Variants in ZNF101 observed in about 807,000 individuals in gnomAD.
ZNF101 encodes the protein zinc finger protein 101 (Y2).
A neutral mutation model predicts 42.6 loss-of-function variants in ZNF101; 34 were observed. The observed-to-expected ratio is 0.80, with a 90% CI of 0.61 to 1.06. The LOEUF is 1.06. Among genes scored for constraint, ZNF101 ranks in the 50% least tolerant of loss-of-function variants. ZNF101 has a pLI of 0.00. For synonymous variants in ZNF101, 158 were observed against 183.9 expected (o/e 0.86, Z 1.14); for missense variants, 466 against 530.9 (o/e 0.88, Z 1.20).
In ZNF101 at chr19:19,680,008, G is replaced by A. The variant is rs772791484; in HGVS notation, c.1019G>A (p.Cys340Tyr). The change falls in exon 4 of 4, where the codon TGT (cysteine) becomes TAT (tyrosine). Residue 340 changes from cysteine (C) to tyrosine (Y), a missense_variant. Physicochemically the swap from Cys to Tyr is radical, Grantham distance 194. Transcript: ENST00000592502. ...RAHTGERPYE[C>Y]NKCGKTFNYP... The stretch of plus-strand genomic sequence containing the variant: ...CACACTGGAGAAAGACCTTATGAAT[G>A]TAATAAATGTGGTAAAACCTTCAAT... 1 of 1,614,032 alleles carries A rather than the reference G, an allele frequency of 6.2e-7. No homozygotes were observed. The highest frequency in any genetic ancestry group is 8.5e-7 in the Non-Finnish European group (1 of 1,180,014).
intron 1 of ZNF101, among the ~76,000 whole-genome samples, chr19:19,671,435 A>T (rs773841955): frequency 9.9e-5 from 15 of 151,208 alleles, no homozygotes; most frequent in Non-Finnish European, 1.8e-4. Flanking sequence ...TCATGATCTC[A>T]TGTAATCCCA....
chr19:19,677,991 G>T lies in ZNF101; in HGVS notation c.130+1G>T. On this transcript the variant is annotated splice_donor_variant, in intron 2 of 3. Transcript: ENST00000592502. LOFTEE classifies it high-confidence loss of function. ...ACCTTCAGGAACCTGGCCTCGGTCG[G>T]TAAGAAGGACATTTCCTTCCTTAGT... is the stretch of plus-strand genomic sequence containing the variant. 1 of 1,609,218 alleles carries T rather than the reference G, an allele frequency of 6.2e-7. No homozygotes were observed.
At position 19,677,874 on chromosome 19, in the gene ZNF101, C is replaced by T. The variant is rs764143846; in HGVS notation, c.14C>T (p.Ala5Val). The change falls in exon 2 of 4, where the codon GCC becomes GTC. Residue 5 changes from alanine to valine, a missense_variant. By Grantham distance (64) the Ala-to-Val change is moderately conservative (BLOSUM62 0). Transcript: ENST00000592502. MDSV[A>V]FEDVAVNFTQ... The stretch of plus-strand genomic sequence containing the variant: ...TGTGGGATGTTTCAGGACTCAGTGG[C>T]CTTTGAGGATGTGGCTGTGAACTTC... 1.4e-5 allele frequency: 22 copies of T among 1,611,368 alleles called. No homozygotes were observed. The Admixed American group carries it at 3.7e-4, about 27-fold the overall frequency.
rs1209213037 is a variant in ZNF101, at chr19:19,682,625, G to A, written c.*2325G>A. 6.6e-6 allele frequency: 1 copy of A among 152,124 alleles called. No individual in the cohort carries two copies. The allele number at this position is 152,124 out of a possible 1,614,324, so 9.4% of individuals were successfully genotyped here. On this transcript the variant is annotated 3_prime_UTR_variant, in exon 4 of 4. Coordinates refer to ENST00000592502, the MANE Select transcript of ZNF101 (RefSeq NM_033204.4). ...AGCAGTGGTACCTGAGGTTTAATAG[G>A]AAGTGTTTTTATCCTAAGTTAGTTA...
In ZNF101 at chr19:19,669,099, G is replaced by GGT. The variant is rs374041421; in HGVS notation, c.3+134_3+135dup. 1.0e-3 allele frequency: 1,296 copies of GGT among 1,282,310 alleles called. 21 individuals carry two copies. In the African/African-American group the frequency reaches 0.018, roughly 18 times the overall value. The allele number at this position is 1,282,310 out of a possible 1,614,324, so 79.4% of individuals were successfully genotyped here. On this transcript the variant is annotated intron_variant, in intron 1 of 3. Transcript: ENST00000592502. ...GTCCCCCAGGCGCAGCTCGACCCTT[G>GGT]GTCCCCTCGGTCGCCGGGTGGAGCT...
rs1568439020 is a variant in ZNF101 at position 19,679,503 on chromosome 19, A to C, written c.514A>C (p.Lys172Gln). The C allele has an allele frequency of 6.2e-7, 1 of 1,614,198 alleles. No individual in the cohort carries two copies. Among genetic ancestry groups the C allele is most frequent in the Non-Finnish European group, 8.5e-7 (1 of 1,180,046 alleles). ...TPTRKRPYEC[K>Q]VCGKAFNSPN... ...AACTCGAAAGAGACCTTATGAATGC[A>C]AGGTGTGCGGGAAAGCCTTTAATTC... Residue 172 changes from lysine to glutamine, a missense_variant, in exon 4 of 4, where the codon AAG becomes CAG. By Grantham distance (53) the Lys-to-Gln change is moderately conservative. Transcript: ENST00000592502.
chr19:19,677,647 A>T, intron 1 of ZNF101: 5 of 573,496 alleles, frequency 8.7e-6, no homozygotes, highest in Non-Finnish European at 1.4e-5. Flanking sequence ...CACCACAGAG[A>T]GGGTGGTCCT....
intron 1 of ZNF101, among the ~76,000 whole-genome samples, chr19:19,675,377 A>T (rs1013028450): frequency 2.0e-5 from 3 of 151,462 alleles, no homozygotes; most frequent in African/African-American, 4.9e-5. Context: ...ACTTAAGGGG[A>T]TCCACCCACC....
rs981495072 is a variant in ZNF101, at chr19:19,679,836, C to T, written c.847C>T (p.Gln283Ter). 7 of 1,613,832 alleles carry T rather than the reference C, an allele frequency of 4.3e-6. No homozygotes were observed. The Admixed American group carries it at 8.3e-5, about 19-fold the overall frequency. Residue 283 changes from glutamine to a stop codon, truncating the protein, a stop_gained, in exon 4 of 4, where the codon CAA becomes TAA. Coordinates refer to ENST00000592502, the MANE Select transcript of ZNF101 (RefSeq NM_033204.4). LOFTEE classifies it high-confidence loss of function. The stretch of plus-strand genomic sequence containing the variant: ...ATCTCACGCGCTGGAGAAATCCCAC[C>T]AATGTCAGGAATGTGGGAAAAAACT... ...IRSHALEKSH[Q>*]CQECGKKLSC...
intron 1 of ZNF101, among the ~76,000 whole-genome samples, chr19:19,674,953 T>C (rs1217529703): frequency 6.6e-6 from 1 of 151,692 alleles, no homozygotes; most frequent in Non-Finnish European, 1.5e-5. Context: ...CCCCAGTAGC[T>C]GGGACTACAG....
At chr19:19,668,416 G>A (rs748256115), upstream of ZNF101, among the ~76,000 whole-genome samples, 1 of 152,080 alleles carries the variant, frequency 6.6e-6, no homozygotes, top group Non-Finnish European at 1.5e-5. Flanking sequence ...TCCTGGAACT[G>A]TCTGCCGGTT....
chr19:19,679,041 C>T, intron 3 of ZNF101, 140 bp from the exon 4 acceptor site: 4 of 1,393,726 alleles, frequency 2.9e-6, no homozygotes, highest in East Asian at 2.5e-5. Flanking sequence ...CATCAATACA[C>T]TTCCTTTCTA....
intron 1 of ZNF101, among the ~76,000 whole-genome samples, chr19:19,673,315 T>C (rs1399013455): frequency 6.7e-6 from 1 of 148,422 alleles, no homozygotes; most frequent in East Asian, 2.0e-4. Context: ...AGTGGCATGA[T>C]CTCGGCTCAC....
intron 1 of ZNF101, among the ~76,000 whole-genome samples, 200 bp downstream of exon 1, chr19:19,669,166 G>A (rs1200343512): frequency 2.0e-5 from 3 of 152,216 alleles, no homozygotes; most frequent in Admixed American, 1.3e-4. Context: ...CCCGGCCCCG[G>A]AGCCCTCTCA....
chr19:19,672,657 C>G (rs968092413), intron 1 of ZNF101, among the ~76,000 whole-genome samples: 5 of 152,086 alleles, frequency 3.3e-5, no homozygotes, highest in African/African-American at 1.2e-4. Context: ...TCCCAAGTAC[C>G]TGGGATTACA....
chr19:19,672,192 T>C (rs2062174925), intron 1 of ZNF101: 1 of 150,796 alleles, frequency 6.6e-6, no homozygotes. Flanking sequence ...TTATTTATTT[T>C]ATTTTTTTAC....
In ZNF101 at chr19:19,679,870, C is replaced by A; in HGVS notation, c.881C>A (p.Ser294Tyr). 1.2e-6 allele frequency: 2 copies of A among 1,614,032 alleles called. No homozygotes were observed. Among genetic ancestry groups the A allele is most frequent in the Non-Finnish European group, 1.7e-6 (2 of 1,179,978 alleles). The change falls in exon 4 of 4, where the codon TCC (serine) becomes TAC (tyrosine). Residue 294 changes from serine to tyrosine, a missense_variant. Ser to Tyr is a moderately radical substitution (Grantham distance 144, BLOSUM62 -2). Coordinates refer to ENST00000592502, the MANE Select transcript of ZNF101 (RefSeq NM_033204.4). ...GAATGTGGGAAAAAACTCAGTTGTTCCAGTTCCCTTCACAGACATGAAAGA... is the reference window on the plus strand; with the variant it reads ...GAATGTGGGAAAAAACTCAGTTGTTACAGTTCCCTTCACAGACATGAAAGA... ...CQECGKKLSC[S>Y]SSLHRHERTH...
intron 2 of ZNF101, 26 bp from the exon 3 acceptor site, chr19:19,678,700 A>C: frequency 6.4e-7 from 1 of 1,570,794 alleles, no homozygotes; most frequent in Non-Finnish European, 8.6e-7. Flanking sequence ...ATAATTCATA[A>C]TAATTTCTCT....
chr19:19,677,836 C>T (rs549168615), intron 1 of ZNF101, 28 bp from the exon 2 acceptor site: 1 of 1,605,848 alleles, frequency 6.2e-7, no homozygotes, highest in South Asian at 1.1e-5. Flanking sequence ...TCTCACCCCT[C>T]CTCCTCCACA....
Sources: allele counts gnomAD v4.1 joint callset (sites outside exome capture counted in the v4.1 genomes callset), GRCh38; gene constraint gnomAD v4.1.1; transcripts MANE v1.5; gene names NCBI Gene and HGNC (gene_info 2026-07-23, HGNC 2026-07-21).